Variants in UTP18 observed in about 807,000 individuals in gnomAD.
The protein encoded by UTP18 is UTP18 small subunit processome component, also known as U3 small nucleolar RNA-associated protein 18 homolog.
UTP18 carries 36 observed loss-of-function variants against 61.1 expected under a neutral mutation model. The ratio of observed to expected loss-of-function variants is 0.59; its 90% CI spans 0.45 to 0.78. The LOEUF is 0.78. UTP18 is among the 30% of genes least tolerant of loss of function. The pLI is 0.00. For synonymous variants in UTP18, 282 were observed against 251.1 expected (o/e 1.12, Z -1.16); for missense variants, 753 against 693.9 (o/e 1.09, Z -0.96).
At chr17:51,261,105 G>C (rs561849130) in intron 1 of UTP18, among the ~76,000 whole-genome samples, 179 bp downstream of exon 1, 24 of 152,248 alleles carry the variant, frequency 1.6e-4, no homozygotes, top group African/African-American at 4.8e-4. Flanking sequence ...CCCTGCTCCA[G>C]ACTGAAAGTG....
At chr17:51,280,653 AAAG>A (rs1227546245) in intron 9 of UTP18, among the ~76,000 whole-genome samples, 174 bp downstream of exon 9, 1 of 151,930 alleles carries the variant, frequency 6.6e-6, no homozygotes, top group East Asian at 1.9e-4. Flanking sequence ...TCTCTACTAA[AAAG>A]AAAAAAAGTA....
chr17:51,297,212 G>A lies in UTP18; in HGVS notation c.*14+209G>A, dbSNP rs185985585. On this transcript the variant is annotated intron_variant, in intron 13 of 13. Coordinates refer to ENST00000225298, the MANE Select transcript of UTP18 (RefSeq NM_016001.3). ...ATCCCAAATCACAGCAATCTGGCTC[G>A]GTTCTTCTGAGGTCTGATCTCTAAT... 4.1e-4 allele frequency among the ~76,000 whole-genome samples: 62 copies of A among 152,176 alleles called. No individual in the cohort carries two copies. In the Middle Eastern group the frequency reaches 0.01, roughly 25 times the overall value.
At chr17:51,279,359 A>G (rs1319687988) in intron 7 of UTP18, among the ~76,000 whole-genome samples, 1 of 152,186 alleles carries the variant, frequency 6.6e-6, no homozygotes, top group Admixed American at 6.5e-5. Flanking sequence ...GTCATGGAAA[A>G]AGAGACATGT....
intron 9 of UTP18, among the ~76,000 whole-genome samples, chr17:51,283,120 C>T (rs976440208): frequency 1.5e-4 from 22 of 150,644 alleles, no homozygotes; most frequent in Non-Finnish European, 2.7e-4. Context: ...CCACCTGCCT[C>T]GGCCTCCCAA....
chr17:51,278,125 T>C (rs1017341288), intron 7 of UTP18, among the ~76,000 whole-genome samples: 1 of 152,250 alleles, frequency 6.6e-6, no homozygotes, highest in Non-Finnish European at 1.5e-5. Flanking sequence ...TTCCAATCTT[T>C]TCTTTCCTGT....
At chr17:51,263,984 AACC>A (rs911308432) in intron 2 of UTP18, among the ~76,000 whole-genome samples, 1 of 152,016 alleles carries the variant, frequency 6.6e-6, no homozygotes, top group Non-Finnish European at 1.5e-5. Context: ...TATGTGAATT[AACC>A]ATAATTTACG....
intron 7 of UTP18, among the ~76,000 whole-genome samples, chr17:51,278,551 C>A (rs1373715918): frequency 6.6e-6 from 1 of 152,168 alleles, no homozygotes; most frequent in Non-Finnish European, 1.5e-5. Context: ...TGTCCAGTCA[C>A]CAACTGCTTT....
intron 5 of UTP18, among the ~76,000 whole-genome samples, 181 bp from the exon 6 acceptor site, chr17:51,275,685 C>T (rs1164697170): frequency 6.7e-6 from 1 of 149,328 alleles, no homozygotes; most frequent in African/African-American, 2.5e-5. Context: ...AAGTGACTTG[C>T]TAGTTGGTGC....
At chr17:51,279,797 G>T (rs1904850256) in intron 7 of UTP18, among the ~76,000 whole-genome samples, 1 of 152,182 alleles carries the variant, frequency 6.6e-6, no homozygotes, top group South Asian at 2.1e-4. Context: ...ACAAAGAAGA[G>T]AAGTTTGTTA....
intron 2 of UTP18, among the ~76,000 whole-genome samples, chr17:51,264,895 C>A (rs1283007546): frequency 2.0e-5 from 3 of 152,118 alleles, no homozygotes. Flanking sequence ...GTTGGCCAGG[C>A]TGGTCTCGAA....
At chr17:51,263,414 C>A in intron 2 of UTP18, 28 bp downstream of exon 2, 1 of 1,497,350 alleles carries the variant, frequency 6.7e-7, no homozygotes, top group Non-Finnish European at 9.2e-7. Context: ...TCTTCTGAAT[C>A]CCTCTGTACA....
At chr17:51,278,225 G>A (rs1904795844) in intron 7 of UTP18, among the ~76,000 whole-genome samples, 1 of 152,062 alleles carries the variant, frequency 6.6e-6, no homozygotes, top group Non-Finnish European at 1.5e-5. Flanking sequence ...GAATCACCTG[G>A]GGGTCTCATT....
chr17:51,272,601 G>T lies in UTP18; in HGVS notation c.623-761G>T, dbSNP rs189502115. ...ATGATGGTTTATATGTTTACTTCTA[G>T]GTAGGTAGCTTGGCAGAGGACACTA... On this transcript the variant is annotated intron_variant, in intron 4 of 13. Coordinates refer to ENST00000225298, the MANE Select transcript of UTP18 (RefSeq NM_016001.3). Among the ~76,000 whole-genome samples the T allele has an allele frequency of 4.6e-5, 7 of 152,252 alleles. 1 individual carries two copies. The highest frequency in any genetic ancestry group is 1.7e-4 in the African/African-American group (7 of 41,552).
chr17:51,264,606 TTC>T (rs200396673), intron 2 of UTP18, among the ~76,000 whole-genome samples: 4 of 111,672 alleles, frequency 3.6e-5, no homozygotes, highest in South Asian at 3.4e-4. Context: ...TGTTTTTTTT[TTC>T]CAGACTCTGT....
At chr17:51,262,952 T>G (rs978539174) in intron 1 of UTP18, among the ~76,000 whole-genome samples, 1 of 152,254 alleles carries the variant, frequency 6.6e-6, no homozygotes, top group Admixed American at 6.5e-5. Context: ...ATTTCTGTAG[T>G]TCTGACATTT....
At chr17:51,288,885 C>T (rs970189944) in intron 11 of UTP18, among the ~76,000 whole-genome samples, 1 of 152,194 alleles carries the variant, frequency 6.6e-6, no homozygotes, top group Non-Finnish European at 1.5e-5. Flanking sequence ...CAGTTTAATT[C>T]CTCCAGTAAT....
rs1408918240 is a variant in UTP18 at position 51,260,659 on chromosome 17, G to A, written c.75G>A (p.Met25Ile). Residue 25 changes from methionine (M) to isoleucine (I), a missense_variant, in exon 1 of 14, where the codon ATG (methionine) becomes ATA (isoleucine). Met to Ile is a conservative substitution (Grantham distance 10). Coordinates refer to ENST00000225298, the MANE Select transcript of UTP18 (RefSeq NM_016001.3). ...TGAKPKRKPG[M>I]RPDWKAGAGP... is the part of the protein sequence containing the mutation. Reference sequence around the variant, plus strand: ...CGAAGCCGAAGCGGAAGCCCGGAATGAGGCCGGACTGGAAAGCCGGAGCGG... The same window carrying A: ...CGAAGCCGAAGCGGAAGCCCGGAATAAGGCCGGACTGGAAAGCCGGAGCGG... 1.9e-6 allele frequency: 3 copies of A among 1,612,188 alleles called. No homozygotes were observed. The highest frequency in any genetic ancestry group is 2.2e-5 in the East Asian group (1 of 44,838).
chr17:51,293,865 A>G (rs1243057661), intron 11 of UTP18, 38 bp from the exon 12 acceptor site: 4 of 1,458,360 alleles, frequency 2.7e-6, no homozygotes, highest in African/African-American at 2.9e-5. Flanking sequence ...ATGAGCTCCC[A>G]GTTGTTACAC....
At chr17:51,286,820 T>C (rs1376887072) in intron 10 of UTP18, among the ~76,000 whole-genome samples, 1 of 151,390 alleles carries the variant, frequency 6.6e-6, no homozygotes, top group Non-Finnish European at 1.5e-5. Flanking sequence ...TCATTATAAG[T>C]AGTTTTTAAA....
Sources: gnomAD v4.1 joint callset for allele counts (sites outside exome capture counted in the v4.1 genomes callset) on GRCh38, gnomAD v4.1.1 for gene constraint, MANE v1.5 for transcripts, NCBI Gene and HGNC (gene_info 2026-07-23, HGNC 2026-07-21) for gene names.